Variants in FIG4 observed in about 807,000 individuals in gnomAD.
FIG4 encodes FIG4 phosphoinositide 5-phosphatase, also known as polyphosphoinositide phosphatase.
In FIG4, 112 loss-of-function variants were observed where a neutral mutation model predicts 118.6. The ratio of observed to expected loss-of-function variants is 0.94; its 90% CI spans 0.81 to 1.11. The LOEUF is 1.11. Among genes scored for constraint, FIG4 ranks in the 50% least tolerant of loss-of-function variants. The pLI, the probability that FIG4 is intolerant of heterozygous loss-of-function variation, is 0.00. For synonymous variants in FIG4, 369 were observed against 381.2 expected (o/e 0.97, Z 0.37); for missense variants, 969 against 1,111.7 (o/e 0.87, Z 1.83).
At chr6:109,744,036 G>T (rs549636246) in intron 10 of FIG4, among the ~76,000 whole-genome samples, 1 of 152,180 alleles carries the variant, frequency 6.6e-6, no homozygotes, top group South Asian at 2.1e-4. Flanking sequence ...AAATCATTGT[G>T]TCCTGATTTC....
chr6:109,697,852 A>G (rs1251771007), intron 1 of FIG4, among the ~76,000 whole-genome samples: 1 of 151,886 alleles, frequency 6.6e-6, no homozygotes, highest in Admixed American at 6.6e-5. Flanking sequence ...TTGACTGAAT[A>G]AATGTGGATC....
chr6:109,720,414 ATTGGTGGAAAATATTT>A (rs1198439451), intron 3 of FIG4, among the ~76,000 whole-genome samples: 2 of 152,224 alleles, frequency 1.3e-5, no homozygotes, highest in Non-Finnish European at 2.9e-5. Context: ...AACATGCTGA[ATTGGTGGAAAATATTT>A]TTGGTGGAAT....
intron 1 of FIG4, among the ~76,000 whole-genome samples, chr6:109,707,143 C>T (rs1042735303): frequency 9.2e-5 from 14 of 152,000 alleles, no homozygotes; most frequent in Non-Finnish European, 1.5e-4. Context: ...CTGTACCTCT[C>T]CTAGGAGATG....
intron 1 of FIG4, among the ~76,000 whole-genome samples, chr6:109,708,613 C>A (rs1202651721): frequency 6.6e-6 from 1 of 152,208 alleles, no homozygotes; most frequent in Non-Finnish European, 1.5e-5. Flanking sequence ...TTTTTCTCTG[C>A]AACCTTTCCA....
chr6:109,705,078 T>C (rs570360285), intron 1 of FIG4, among the ~76,000 whole-genome samples: 3 of 152,114 alleles, frequency 2.0e-5, no homozygotes, highest in Non-Finnish European at 4.4e-5. Flanking sequence ...TGTTCTGTTG[T>C]CTTTGAAGAT....
Position 109,802,702 on chromosome 6 carries a change from T to C in FIG4, c.2546+5851T>C, listed in dbSNP as rs561897863. On this transcript the variant is annotated intron_variant, in intron 22 of 22. Coordinates refer to ENST00000230124, the MANE Select transcript of FIG4 (RefSeq NM_014845.6). ...TTGTTTGTTGAATGAATGAAAGACA[T>C]GTGAATGACTCCTGTTGGGGATAAT... 3.9e-5 allele frequency among the ~76,000 whole-genome samples: 6 copies of C among 152,256 alleles called. No homozygotes were observed. In the East Asian group the frequency reaches 9.6e-4, roughly 24 times the overall value.
chr6:109,727,836 C>T (rs1775867332), intron 4 of FIG4, among the ~76,000 whole-genome samples: 2 of 151,940 alleles, frequency 1.3e-5, no homozygotes, highest in African/African-American at 4.8e-5. Flanking sequence ...AAATACATAC[C>T]ACTGGACTTC....
intron 19 of FIG4, 95 bp from the exon 20 acceptor site, chr6:109,791,281 C>A: frequency 9.6e-7 from 1 of 1,046,588 alleles, no homozygotes; most frequent in Non-Finnish European, 1.5e-6. Context: ...TTTTCTTATG[C>A]TTCACTAGGC....
chr6:109,702,824 C>G (rs935184610), intron 1 of FIG4, among the ~76,000 whole-genome samples: 1 of 152,152 alleles, frequency 6.6e-6, no homozygotes, highest in Non-Finnish European at 1.5e-5. Flanking sequence ...CCCTGACTTT[C>G]CCCTAGATGT....
intron 22 of FIG4, among the ~76,000 whole-genome samples, chr6:109,818,330 A>C (rs191668075): frequency 2.7e-4 from 41 of 152,054 alleles, no homozygotes; most frequent in African/African-American, 9.4e-4. Flanking sequence ...CCTCCCAAGT[A>C]GCTGGGATTA....
chr6:109,691,303 T>C lies in FIG4; in HGVS notation c.-133T>C. The C allele has an allele frequency of 1.3e-6, 1 of 760,790 alleles. No homozygotes were observed. The highest frequency in any genetic ancestry group is 1.5e-5 in the South Asian group (1 of 67,840). The allele number at this position is 760,790 out of a possible 1,614,324, so 47.1% of individuals were successfully genotyped here. ...AGGGATCCGGAAACACCTGATCATCTATAGGTTTAGTGCCTAATGGGTGTT... is the reference window on the plus strand; with the variant it reads ...AGGGATCCGGAAACACCTGATCATCCATAGGTTTAGTGCCTAATGGGTGTT... On this transcript the variant is annotated 5_prime_UTR_variant, in exon 1 of 23. Coordinates refer to ENST00000230124, the MANE Select transcript of FIG4 (RefSeq NM_014845.6).
At chr6:109,694,767 A>G (rs1774658141) in intron 1 of FIG4, among the ~76,000 whole-genome samples, 1 of 152,212 alleles carries the variant, frequency 6.6e-6, no homozygotes, top group Non-Finnish European at 1.5e-5. Context: ...CCAATTAAAA[A>G]TGGGCAAGGA....
In FIG4 at chr6:109,713,674, G is replaced by A. The variant is rs560123454; in HGVS notation, c.67-1404G>A. Among the ~76,000 whole-genome samples the A allele has an allele frequency of 7.9e-5, 12 of 152,280 alleles. 1 individual carries two copies. Among genetic ancestry groups the A allele is most frequent in the African/African-American group, 2.4e-4 (10 of 41,556 alleles). On this transcript the variant is annotated intron_variant, in intron 1 of 22. Coordinates refer to ENST00000230124, the MANE Select transcript of FIG4 (RefSeq NM_014845.6). The stretch of plus-strand genomic sequence containing the variant: ...GGCAAGGAAGACAAAACCCACCTGC[G>A]CACACACATGTTGGCAGAGTGATGT...
chr6:109,764,554 A>G (rs758614052), intron 13 of FIG4, among the ~76,000 whole-genome samples: 7 of 152,312 alleles, frequency 4.6e-5, no homozygotes, highest in South Asian at 2.1e-4. Flanking sequence ...CATGAAAAGA[A>G]TAAGTTAGAG....
chr6:109,691,340 G>C lies in FIG4; in HGVS notation c.-96G>C. 1 of 978,490 alleles carries C rather than the reference G, an allele frequency of 1.0e-6. No homozygotes were observed. The allele number at this position is 978,490 out of a possible 1,614,324, so 60.6% of individuals were successfully genotyped here. On this transcript the variant is annotated 5_prime_UTR_variant, in exon 1 of 23. Coordinates refer to ENST00000230124, the MANE Select transcript of FIG4 (RefSeq NM_014845.6). ...GCCTAATGGGTGTTGTTCCTGGCTG[G>C]ACTTGATGTCCAGGGCCTGAGGGGT...
At chr6:109,762,067 T>C in intron 11 of FIG4, 24 bp from the exon 12 acceptor site, 1 of 1,418,880 alleles carries the variant, frequency 7.0e-7, no homozygotes, top group Non-Finnish European at 1.0e-6. Flanking sequence ...TTCTCACTTT[T>C]CTCATTCTTC....
intron 10 of FIG4, among the ~76,000 whole-genome samples, chr6:109,750,835 G>A (rs1776672589): frequency 6.6e-6 from 1 of 152,062 alleles, no homozygotes; most frequent in African/African-American, 2.4e-5. Flanking sequence ...TCCATCCCAC[G>A]AAATGTCAGA....
chr6:109,822,928 CAT>C (rs1263290215), intron 22 of FIG4, among the ~76,000 whole-genome samples: 1 of 147,370 alleles, frequency 6.8e-6, no homozygotes, highest in African/African-American at 2.5e-5. Flanking sequence ...ATATATACAC[CAT>C]ATCTCATCTA....
intron 21 of FIG4, among the ~76,000 whole-genome samples, chr6:109,794,931 C>A (rs1270408719): frequency 6.6e-6 from 1 of 152,078 alleles, no homozygotes; most frequent in Non-Finnish European, 1.5e-5. Flanking sequence ...CCTTGCCCAC[C>A]TTTGGACGCC....
Sources: allele counts gnomAD v4.1 joint callset (sites outside exome capture counted in the v4.1 genomes callset), GRCh38; gene constraint gnomAD v4.1.1; transcripts MANE v1.5; gene names NCBI Gene and HGNC (gene_info 2026-07-23, HGNC 2026-07-21).